The following DPP6 variants were observed in gnomAD, a reference collection of about 807,000 sequenced individuals.
DPP6 encodes A-type potassium channel modulatory protein DPP6.
Under a neutral mutation model 122.6 loss-of-function variants are expected in DPP6, and 69 were observed. The observed-to-expected ratio is 0.56, with a 90% CI of 0.46 to 0.69. The LOEUF (loss-of-function observed/expected upper bound fraction) is 0.69, where lower values mean the gene tolerates loss of function less well. DPP6 is among the 30% of genes least tolerant of loss of function. The probability of loss-of-function intolerance (pLI) is 0.00; values close to 1 mark genes in which losing one functional copy is unlikely to be tolerated. For synonymous variants in DPP6, 418 were observed against 433.1 expected (o/e 0.97, Z 0.43); for missense variants, 928 against 1,116.9 (o/e 0.83, Z 2.41).
chr7:153,921,337 A>C lies in DPP6; in HGVS notation c.51+33603A>C, dbSNP rs149472402. 1.2e-4 allele frequency among the ~76,000 whole-genome samples: 19 copies of C among 152,386 alleles called. No homozygotes were observed. The East Asian group carries it at 3.7e-3, about 29-fold the overall frequency. On this transcript the variant is annotated intron_variant, in intron 1 of 25. Transcript: ENST00000404039. The stretch of plus-strand genomic sequence containing the variant: ...AACTCAGCCCAGCCTGACTGATAAC[A>C]GACATCTTAAGTATTAGGATCTTCA...
chr7:154,319,000 G>T (rs1398509063), intron 1 of DPP6, among the ~76,000 whole-genome samples: 2 of 152,210 alleles, frequency 1.3e-5, no homozygotes, highest in Non-Finnish European at 2.9e-5. Context: ...AGAGTGTGTT[G>T]GTTTGGGGCA....
At position 153,900,122 on chromosome 7, in the gene DPP6, T is replaced by A. The variant is rs545070092; in HGVS notation, c.51+12388T>A. Among the ~76,000 whole-genome samples, 23 of 152,322 alleles carry A rather than the reference T, an allele frequency of 1.5e-4. No individual in the cohort carries two copies. In the South Asian group the frequency reaches 2.3e-3, roughly 15 times the overall value. Reference sequence around the variant, plus strand: ...AAGCTCAGAGGGTGGGTGATTCTGATCTGCATTAAAATTTAGTTCTAAGTG... The same window carrying A: ...AAGCTCAGAGGGTGGGTGATTCTGAACTGCATTAAAATTTAGTTCTAAGTG... On this transcript the variant is annotated intron_variant, in intron 1 of 25. Coordinates refer to the DPP6 transcript ENST00000404039.
intron 5 of DPP6, among the ~76,000 whole-genome samples, chr7:154,613,835 C>T (rs904797828): frequency 3.9e-5 from 6 of 152,096 alleles, no homozygotes; most frequent in Non-Finnish European, 1.5e-5. Flanking sequence ...CCCCAAACGT[C>T]CTACCTTCAT....
chr7:154,731,028 T>C (rs1842312578), intron 8 of DPP6, among the ~76,000 whole-genome samples: 1 of 152,232 alleles, frequency 6.6e-6, no homozygotes, highest in Non-Finnish European at 1.5e-5. Context: ...TTAGTGTTGT[T>C]CCCTGGAAGG....
chr7:154,883,710 T>C, intron 21 of DPP6: 1 of 114,556 alleles, frequency 8.7e-6, no homozygotes, highest in East Asian at 2.4e-4. Flanking sequence ...GCTCACAAAT[T>C]ACATACACAT....
Position 154,892,580 on chromosome 7 carries a change from C to A in DPP6, c.*100C>A. ...CTTCCCTCGGAGGGGCGGGGCGGGGCGGGGCCGGGTGTTCCATAGCATGTG... is the reference window on the plus strand; with the variant it reads ...CTTCCCTCGGAGGGGCGGGGCGGGGAGGGGCCGGGTGTTCCATAGCATGTG... On this transcript the variant is annotated 3_prime_UTR_variant, in exon 26 of 26. Coordinates refer to ENST00000377770, the MANE Select transcript of DPP6 (RefSeq NM_130797.4). 9.9e-6 allele frequency: 5 copies of A among 507,478 alleles called. No homozygotes were observed. Among genetic ancestry groups the A allele is most frequent in the Non-Finnish European group, 1.9e-5 (5 of 261,714 alleles). The allele number at this position is 507,478 out of a possible 1,614,324, so 31.4% of individuals were successfully genotyped here.
the DPP6 span, among the ~76,000 whole-genome samples, chr7:153,816,008 C>T: frequency 2.6e-5 from 4 of 151,838 alleles, no homozygotes; most frequent in Non-Finnish European, 5.9e-5. Context: ...ACATATCATA[C>T]CCCAATCTCA....
chr7:154,735,600 A>G (rs549164023), intron 8 of DPP6, among the ~76,000 whole-genome samples: 5 of 152,334 alleles, frequency 3.3e-5, no homozygotes, highest in African/African-American at 1.2e-4. Flanking sequence ...AACTCTGTAA[A>G]GTATTAATGA....
the DPP6 span, among the ~76,000 whole-genome samples, chr7:153,787,245 C>T: frequency 1.4e-5 from 2 of 145,170 alleles, no homozygotes; most frequent in African/African-American, 2.6e-5. Context: ...CCACTGCGCC[C>T]GGCCACGGAA....
chr7:154,739,465 G>A (rs1842719233), intron 8 of DPP6, among the ~76,000 whole-genome samples: 1 of 152,176 alleles, frequency 6.6e-6, no homozygotes, highest in East Asian at 1.9e-4. Context: ...GGGAATGGGA[G>A]TATGGGAGAG....
chr7:154,858,501 G>A (rs1286003503), intron 17 of DPP6: 1 of 152,454 alleles, frequency 6.6e-6, no homozygotes, highest in Non-Finnish European at 1.5e-5. Context: ...AGTCTGGGGA[G>A]GCAGAAGCAG....
intron 1 of DPP6, among the ~76,000 whole-genome samples, chr7:154,108,404 G>A (rs1371044872): frequency 6.6e-6 from 1 of 152,214 alleles, no homozygotes; most frequent in Non-Finnish European, 1.5e-5. Context: ...TTTACATGGT[G>A]TTAAAGTATC....
chr7:154,209,871 G>A (rs375031933), intron 1 of DPP6, among the ~76,000 whole-genome samples: 129 of 152,260 alleles, frequency 8.5e-4, no homozygotes, highest in African/African-American at 3.0e-3. Flanking sequence ...CAGTCAAAGG[G>A]CATGGACCCC....
chr7:154,408,828 G>T (rs1317400185), intron 1 of DPP6, among the ~76,000 whole-genome samples: 1 of 149,054 alleles, frequency 6.7e-6, no homozygotes, highest in East Asian at 2.0e-4. Flanking sequence ...GGATTGAATT[G>T]TATTCCCCCC....
At chr7:154,561,863 A>G (rs1418265094) in intron 4 of DPP6, among the ~76,000 whole-genome samples, 2 of 152,198 alleles carry the variant, frequency 1.3e-5, no homozygotes, top group African/African-American at 4.8e-5. Flanking sequence ...AAGTCCTTGA[A>G]AGACACAAAG....
At chr7:153,940,484 T>C (rs886865120) in intron 1 of DPP6, among the ~76,000 whole-genome samples, 2 of 152,148 alleles carry the variant, frequency 1.3e-5, no homozygotes, top group Admixed American at 1.3e-4. Flanking sequence ...TATGAGGTTG[T>C]ACTAGGTGGG....
At chr7:154,369,038 C>G (rs1355010287) in intron 1 of DPP6, among the ~76,000 whole-genome samples, 3 of 152,176 alleles carry the variant, frequency 2.0e-5, no homozygotes, top group Non-Finnish European at 4.4e-5. Flanking sequence ...CCATCAATCC[C>G]ATAGGCATTT....
chr7:154,773,308 G>A (rs1796360772), intron 10 of DPP6, among the ~76,000 whole-genome samples: 1 of 152,258 alleles, frequency 6.6e-6, no homozygotes, highest in East Asian at 1.9e-4. Context: ...TGTATTTAGA[G>A]CATTTTTTAG....
intron 1 of DPP6, among the ~76,000 whole-genome samples, chr7:154,230,563 C>A (rs894795276): frequency 6.6e-6 from 1 of 152,190 alleles, no homozygotes; most frequent in African/African-American, 2.4e-5. Context: ...TCTGGTTCAA[C>A]CACCTCATTT....
Sources: allele counts gnomAD v4.1 joint callset (sites outside exome capture counted in the v4.1 genomes callset), GRCh38; gene constraint gnomAD v4.1.1; transcripts MANE v1.5; gene names NCBI Gene and HGNC (gene_info 2026-07-23, HGNC 2026-07-21).